The following TBC1D30 variants were observed in gnomAD, a reference collection of about 807,000 sequenced individuals.
TBC1D30 encodes the protein TBC1 domain family member 30.
A neutral mutation model predicts 63.2 loss-of-function variants in TBC1D30; 31 were observed. That is an observed-to-expected ratio of 0.49 (90% CI 0.37 to 0.66). The LOEUF (loss-of-function observed/expected upper bound fraction) is 0.66. Ranked by LOEUF, TBC1D30 falls within the 30% of genes least tolerant of loss-of-function variation. TBC1D30 has a pLI of 0.00. For synonymous variants in TBC1D30, 307 were observed against 361.5 expected, an observed-to-expected ratio of 0.85 and a Z score of 1.71; for missense variants, 810 against 953.6, an observed-to-expected ratio of 0.85 and a Z score of 1.98.
At chr12:64,827,741 T>C in intron 1 of TBC1D30, 94 bp from the exon 2 acceptor site, 1 of 903,746 alleles carries the variant, frequency 1.1e-6, no homozygotes, top group South Asian at 1.7e-5. Flanking sequence ...AAAAAAATTG[T>C]GATGATTCAG....
intron 2 of TBC1D30, among the ~76,000 whole-genome samples, chr12:64,810,224 G>T (rs1290517690): frequency 6.6e-6 from 1 of 152,172 alleles, no homozygotes; most frequent in East Asian, 1.9e-4. Context: ...GTGGGGGAGG[G>T]ATTTGCTTCA....
At chr12:64,855,725 G>A (rs1049476687) in intron 8 of TBC1D30, among the ~76,000 whole-genome samples, 1 of 152,094 alleles carries the variant, frequency 6.6e-6, no homozygotes, top group Non-Finnish European at 1.5e-5. Flanking sequence ...CCTTCTCTGT[G>A]TTATCTTGAA....
At chr12:64,815,612 A>G (rs1303505722) in intron 2 of TBC1D30, among the ~76,000 whole-genome samples, 2 of 152,208 alleles carry the variant, frequency 1.3e-5, no homozygotes, top group Non-Finnish European at 2.9e-5. Context: ...AAATTCATGA[A>G]AAAACTCATA....
intron 1 of TBC1D30, among the ~76,000 whole-genome samples, chr12:64,782,388 A>T (rs1871340999): frequency 6.7e-6 from 1 of 149,700 alleles, no homozygotes; most frequent in African/African-American, 2.5e-5. Context: ...TTCCTAGTGA[A>T]GATTTTTTTT....
chr12:64,795,518 A>G (rs914771233), intron 2 of TBC1D30, among the ~76,000 whole-genome samples: 1 of 152,138 alleles, frequency 6.6e-6, no homozygotes, highest in Non-Finnish European at 1.5e-5. Context: ...CCTTCTCCCC[A>G]TATTTCTTGT....
At chr12:64,775,398 A>G (rs7973096) in intron 1 of TBC1D30, among the ~76,000 whole-genome samples, 5,821 of 152,248 alleles carry the variant, frequency 0.038, 384 homozygotes, top group African/African-American at 0.13. Context: ...CTCATGTGCA[A>G]TGACACACAT....
chr12:64,856,176 G>A (rs1877284266), intron 8 of TBC1D30, among the ~76,000 whole-genome samples: 1 of 151,760 alleles, frequency 6.6e-6, no homozygotes, highest in Admixed American at 6.6e-5. Flanking sequence ...GGGGGGGTGG[G>A]GGCGGTGCCA....
intron 2 of TBC1D30, among the ~76,000 whole-genome samples, chr12:64,796,044 A>G (rs1872244365): frequency 6.6e-6 from 1 of 152,028 alleles, no homozygotes; most frequent in South Asian, 2.1e-4. Flanking sequence ...AACTTAGAAT[A>G]TGACTAGATG....
At position 64,879,707 on chromosome 12, in the gene TBC1D30, G is replaced by A. The variant is rs1879335305; in HGVS notation, c.*3919G>A. 1 of 152,170 alleles carries A rather than the reference G, an allele frequency of 6.6e-6. No homozygotes were observed. The highest frequency in any genetic ancestry group is 2.1e-4 in the South Asian group (1 of 4,832). The allele number at this position is 152,170 out of a possible 1,614,324, so 9.4% of individuals were successfully genotyped here. ...ATTAAGTAAGATGTTGAGGTTTCTG[G>A]TAGGTGCCTATTATTAGGTTAAGAA... On this transcript the variant is annotated 3_prime_UTR_variant, in exon 12 of 12. Transcript: ENST00000539867.
intron 2 of TBC1D30, among the ~76,000 whole-genome samples, chr12:64,811,856 G>A (rs548633049): frequency 7.2e-4 from 110 of 152,232 alleles, no homozygotes; most frequent in African/African-American, 2.5e-3. Context: ...CTTAAATGGG[G>A]GCTGTGAACA....
intron 8 of TBC1D30, among the ~76,000 whole-genome samples, chr12:64,855,595 A>T (rs894000978): frequency 6.6e-6 from 1 of 152,226 alleles, no homozygotes; most frequent in African/African-American, 2.4e-5. Flanking sequence ...TACTTGATCA[A>T]TTCTGCTATT....
intron 5 of TBC1D30, among the ~76,000 whole-genome samples, chr12:64,832,783 A>T (rs1343187485): frequency 3.3e-5 from 5 of 152,094 alleles, no homozygotes; most frequent in Non-Finnish European, 7.4e-5. Flanking sequence ...TTAATTCCTC[A>T]CAGGCTGTTG....
At chr12:64,849,869 G>C (rs1876714368) in intron 8 of TBC1D30, among the ~76,000 whole-genome samples, 1 of 152,132 alleles carries the variant, frequency 6.6e-6, no homozygotes, top group African/African-American at 2.4e-5. Flanking sequence ...TGGGCAGTAT[G>C]ACCATTATCA....
At chr12:64,774,350 C>T (rs1871003605) in intron 1 of TBC1D30, among the ~76,000 whole-genome samples, 1 of 152,120 alleles carries the variant, frequency 6.6e-6, no homozygotes, top group Non-Finnish European at 1.5e-5. Context: ...CAAATGGAAC[C>T]AATTTGGAAA....
At chr12:64,858,251 T>G (rs557153375) in intron 8 of TBC1D30, among the ~76,000 whole-genome samples, 1 of 152,210 alleles carries the variant, frequency 6.6e-6, no homozygotes, top group East Asian at 1.9e-4. Flanking sequence ...GAATCCATGG[T>G]TAGTTTTCTG....
intron 2 of TBC1D30, among the ~76,000 whole-genome samples, chr12:64,806,655 T>A (rs1872890544): frequency 6.6e-6 from 1 of 152,174 alleles, no homozygotes; most frequent in South Asian, 2.1e-4. Flanking sequence ...TGCCATGTGA[T>A]CCAGCAAATC....
intron 1 of TBC1D30, among the ~76,000 whole-genome samples, chr12:64,764,716 C>T (rs1487817816): frequency 6.6e-6 from 1 of 152,170 alleles, no homozygotes; most frequent in African/African-American, 2.4e-5. Context: ...GAGATTGAGG[C>T]AGCTGGAAGT....
intron 2 of TBC1D30, among the ~76,000 whole-genome samples, chr12:64,805,614 CT>C (rs1565649926): frequency 6.6e-6 from 1 of 152,132 alleles, no homozygotes; most frequent in Non-Finnish European, 1.5e-5. Flanking sequence ...AGGCTGATCA[CT>C]TGAGGCCGGG....
chr12:64,849,961 G>A (rs1307872964), intron 8 of TBC1D30, among the ~76,000 whole-genome samples: 1 of 152,114 alleles, frequency 6.6e-6, no homozygotes. Context: ...GCAGTGATTT[G>A]TAGTTCTCCT....
Sources: allele counts gnomAD v4.1 joint callset (sites outside exome capture counted in the v4.1 genomes callset), GRCh38; gene constraint gnomAD v4.1.1; transcripts MANE v1.5; gene names NCBI Gene and HGNC (gene_info 2026-07-23, HGNC 2026-07-21).